MTHFD1L: variants seen among roughly 807,000 people sequenced by gnomAD.
MTHFD1L encodes monofunctional C1-tetrahydrofolate synthase, mitochondrial.
MTHFD1L carries 81 observed loss-of-function variants against 119.5 expected under a neutral mutation model. The observed-to-expected ratio is 0.68, with a 90% CI of 0.57 to 0.82. MTHFD1L has a LOEUF of 0.82. MTHFD1L is among the 40% of genes least tolerant of loss of function. MTHFD1L has a pLI of 0.00. For missense variants in MTHFD1L, 1,125 were observed against 1,253.4 expected (o/e 0.90, Z 1.55); for synonymous variants, 430 against 475.2 (o/e 0.90, Z 1.24).
chr6:150,888,054 C>A, intron 7 of MTHFD1L, 73 bp downstream of exon 7: 1 of 1,433,660 alleles, frequency 7.0e-7, no homozygotes, highest in Non-Finnish European at 9.2e-7. Flanking sequence ...AATGTATAAG[C>A]TAAGTGCTTA....
At position 151,092,615 on chromosome 6, in the gene MTHFD1L, C is replaced by G. The variant is rs60084701; in HGVS notation, c.*31+28C>G. ...AGGCTGATGTGCTTCAACTTTTTCTCTCTTTGTTTTTTTCCAGTTCATATC... is the reference window on the plus strand; with the variant it reads ...AGGCTGATGTGCTTCAACTTTTTCTGTCTTTGTTTTTTTCCAGTTCATATC... On this transcript the variant is annotated intron_variant, in intron 27 of 27. Transcript: ENST00000367321. 26 of 1,426,116 alleles carry G rather than the reference C, an allele frequency of 1.8e-5. No individual in the cohort carries two copies. The East Asian group carries it at 3.4e-4, about 19-fold the overall frequency. The allele number at this position is 1,426,116 out of a possible 1,614,324, so 88.3% of individuals were successfully genotyped here.
chr6:151,059,301 C>T (rs1251694325), intron 26 of MTHFD1L, among the ~76,000 whole-genome samples: 2 of 152,092 alleles, frequency 1.3e-5, no homozygotes, highest in African/African-American at 4.8e-5. Context: ...ACCTTCGCCT[C>T]CTGGGTTCAA....
rs1795596221 is a variant in MTHFD1L at position 150,956,061 on chromosome 6, A to G, written c.1793A>G (p.His598Arg). 6.2e-7 allele frequency: 1 copy of G among 1,613,972 alleles called. No individual in the cohort carries two copies. Among genetic ancestry groups the G allele is most frequent in the Non-Finnish European group, 8.5e-7 (1 of 1,179,830 alleles). Reference sequence around the variant, plus strand: ...GGGCAGGGAAACACAGAGAAGGGCCATTACCGGCAGGTAGGTGGTGCTTTC... The same window carrying G: ...GGGCAGGGAAACACAGAGAAGGGCCGTTACCGGCAGGTAGGTGGTGCTTTC... Reference protein sequence around the residue: ...TIGQGNTEKGHYRQAQFDIAV... With the variant: ...TIGQGNTEKGRYRQAQFDIAV... Residue 598 changes from histidine to arginine, a missense_variant, in exon 17 of 28, where the codon CAT (histidine) becomes CGT (arginine). By Grantham distance (29) the His-to-Arg change is conservative. Transcript: ENST00000367321.
intron 4 of MTHFD1L, among the ~76,000 whole-genome samples, chr6:150,879,907 G>C (rs998819362): frequency 6.6e-6 from 1 of 152,154 alleles, no homozygotes; most frequent in African/African-American, 2.4e-5. Flanking sequence ...GGGATTACAG[G>C]TATGAGCCAC....
chr6:151,092,547 C>T lies in MTHFD1L; in HGVS notation c.2928C>T (p.Gly976=). The change falls in exon 27 of 28, where the codon GGC becomes GGT. Residue 976 remains glycine (G), a synonymous_variant. Coordinates refer to ENST00000367321, the MANE Select transcript of MTHFD1L (RefSeq NM_015440.5). ...DLDTETEQVK[G]LF ...ATACCGAAACAGAACAAGTTAAAGG[C>T]TTGTTCTAAGTGGACAAGGCTCTCA... 4 of 1,613,856 alleles carry T rather than the reference C, an allele frequency of 2.5e-6. No individual in the cohort carries two copies. The highest frequency in any genetic ancestry group is 3.4e-6 in the Non-Finnish European group (4 of 1,179,884).
intron 24 of MTHFD1L, among the ~76,000 whole-genome samples, chr6:151,027,820 C>T (rs1784792940): frequency 6.6e-6 from 1 of 152,078 alleles, no homozygotes. Context: ...GAGTGAAAAA[C>T]AAAAATTGTA....
intron 24 of MTHFD1L, among the ~76,000 whole-genome samples, chr6:151,029,777 C>T (rs1785084935): frequency 6.6e-6 from 1 of 152,206 alleles, no homozygotes; most frequent in Non-Finnish European, 1.5e-5. Context: ...CCCTGGGTGA[C>T]AGAGTGAGTC....
chr6:150,868,401 G>C (rs1017831206), intron 1 of MTHFD1L, among the ~76,000 whole-genome samples: 1 of 149,596 alleles, frequency 6.7e-6, no homozygotes, highest in African/African-American at 2.5e-5. Context: ...GTGCAGTGGC[G>C]GGATCTCGGC....
rs374178998 is a variant in MTHFD1L at position 150,980,200 on chromosome 6, G to A, written c.2125+8142G>A. 1.5e-4 allele frequency among the ~76,000 whole-genome samples: 23 copies of A among 152,290 alleles called. 1 individual carries two copies. In the South Asian group the frequency reaches 4.4e-3, roughly 29 times the overall value. ...GAGACTCTGGCTGAAGGTCATGTGC[G>A]AACTCAGGAAACTGCTAATCACAGG... On this transcript the variant is annotated intron_variant, in intron 20 of 27. Coordinates refer to ENST00000367321, the MANE Select transcript of MTHFD1L (RefSeq NM_015440.5).
intron 24 of MTHFD1L, among the ~76,000 whole-genome samples, chr6:151,026,157 C>T (rs926204278): frequency 1.3e-5 from 2 of 152,138 alleles, no homozygotes; most frequent in African/African-American, 4.8e-5. Context: ...AGAGCCTTTC[C>T]AAGAAAGCTA....
chr6:151,031,508 G>A (rs1188215740), intron 24 of MTHFD1L, among the ~76,000 whole-genome samples: 2 of 152,246 alleles, frequency 1.3e-5, no homozygotes, highest in Non-Finnish European at 2.9e-5. Context: ...GTTCATCCAT[G>A]AAGGCTTCGT....
intron 17 of MTHFD1L, 112 bp from the exon 18 acceptor site, chr6:150,960,163 G>A: frequency 7.3e-7 from 1 of 1,377,640 alleles, no homozygotes. Flanking sequence ...GGCCTTTTGA[G>A]GGTAGACTCT....
intron 7 of MTHFD1L, among the ~76,000 whole-genome samples, chr6:150,891,098 G>C (rs1215421668): frequency 6.6e-6 from 1 of 152,110 alleles, no homozygotes; most frequent in African/African-American, 2.4e-5. Context: ...TGATTCTTCT[G>C]CCTCAGCCTC....
At chr6:150,914,681 A>T in intron 8 of MTHFD1L, among the ~76,000 whole-genome samples, 1 of 152,222 alleles carries the variant, frequency 6.6e-6, no homozygotes, top group Non-Finnish European at 1.5e-5. Flanking sequence ...ATAATCAGAA[A>T]GCAACACTGT....
At chr6:150,963,548 A>G (rs1450998390) in intron 18 of MTHFD1L, among the ~76,000 whole-genome samples, 1 of 152,228 alleles carries the variant, frequency 6.6e-6, no homozygotes, top group East Asian at 1.9e-4. Context: ...CACCTTTTAA[A>G]TGATTAAATA....
chr6:150,927,533 T>A (rs1790238418), intron 11 of MTHFD1L, among the ~76,000 whole-genome samples: 1 of 149,254 alleles, frequency 6.7e-6, no homozygotes, highest in Non-Finnish European at 1.5e-5. Flanking sequence ...CTCAGCTCAC[T>A]GCAAACTCTG....
At chr6:150,867,662 GAC>G (rs1778640375) in intron 1 of MTHFD1L, among the ~76,000 whole-genome samples, 1 of 152,182 alleles carries the variant, frequency 6.6e-6, no homozygotes, top group Non-Finnish European at 1.5e-5. Context: ...AGCTTCATGA[GAC>G]AGCCGTCTCT....
chr6:151,044,500 A>G (rs1787652120), intron 26 of MTHFD1L, among the ~76,000 whole-genome samples: 1 of 151,662 alleles, frequency 6.6e-6, no homozygotes, highest in Admixed American at 6.6e-5. Flanking sequence ...ATGGCATTTC[A>G]CTATGTTGTT....
chr6:150,912,763 G>C, intron 8 of MTHFD1L: 2 of 473,506 alleles, frequency 4.2e-6, no homozygotes, highest in Non-Finnish European at 8.7e-6. Flanking sequence ...TGTTTAGTGG[G>C]AAGTGAAAAG....
Sources: gnomAD v4.1 joint callset for allele counts (sites outside exome capture counted in the v4.1 genomes callset) on GRCh38, gnomAD v4.1.1 for gene constraint, MANE v1.5 for transcripts, NCBI Gene and HGNC (gene_info 2026-07-23, HGNC 2026-07-21) for gene names.